Variants in TLK1 observed in about 807,000 individuals in gnomAD.
TLK1 encodes tousled like kinase 1, also known as serine/threonine-protein kinase tousled-like 1.
A neutral mutation model predicts 105.3 loss-of-function variants in TLK1; 24 were observed. The observed-to-expected ratio is 0.23, with a 90% CI of 0.17 to 0.32. TLK1 has a LOEUF of 0.32. TLK1 is among the 10% of genes least tolerant of loss of function. The probability of loss-of-function intolerance (pLI) is 1.00; values close to 1 mark genes in which losing one functional copy is unlikely to be tolerated. For missense variants in TLK1, 558 were observed against 910.5 expected (o/e 0.61, Z 4.98); for synonymous variants, 321 against 310.4 (o/e 1.03, Z -0.36).
intron 3 of TLK1, among the ~76,000 whole-genome samples, chr2:171,070,559 A>G (rs1329588288): frequency 6.6e-6 from 1 of 152,162 alleles, no homozygotes; most frequent in Admixed American, 6.5e-5. Flanking sequence ...TATTTCACTC[A>G]ACAATATGAC....
intron 20 of TLK1, chr2:170,994,855 G>T (rs922297931): frequency 8.3e-6 from 3 of 361,272 alleles, no homozygotes; most frequent in Admixed American, 3.2e-5. Context: ...TCCTTTTTTG[G>T]GGGGGGAGGG....
At chr2:171,017,094 A>AG (rs945701565) in intron 12 of TLK1, among the ~76,000 whole-genome samples, 57 of 152,200 alleles carry the variant, frequency 3.7e-4, no homozygotes, top group Non-Finnish European at 1.0e-4. Flanking sequence ...TCATAAAAAC[A>AG]GGAAGTAAAT....
At chr2:171,186,116 A>C (rs1693020632) in intron 1 of TLK1, among the ~76,000 whole-genome samples, 1 of 152,254 alleles carries the variant, frequency 6.6e-6, no homozygotes, top group Non-Finnish European at 1.5e-5. Flanking sequence ...ACAAATTCAA[A>C]AGAATATGAC....
chr2:171,159,109 A>G lies in TLK1; in HGVS notation c.139+1181T>C, dbSNP rs566053427. On this transcript the variant is annotated intron_variant, in intron 1 of 20. Coordinates refer to ENST00000431350, the MANE Select transcript of TLK1 (RefSeq NM_012290.5). The stretch of plus-strand genomic sequence containing the variant: ...CTCTGACTAGCAAATATCGACAGAT[A>G]TTTTCAAAATAAAGTACTCGCACCG... Among the ~76,000 whole-genome samples, 6 of 152,348 alleles carry G rather than the reference A, an allele frequency of 3.9e-5. No individual in the cohort carries two copies. In the East Asian group the frequency reaches 1.2e-3, roughly 29 times the overall value.
chr2:170,998,103 T>TACC (rs1355809188), intron 18 of TLK1, among the ~76,000 whole-genome samples: 49 of 145,218 alleles, frequency 3.4e-4, no homozygotes, highest in African/African-American at 1.2e-3. Context: ...CCTACCTACC[T>TACC]ACCTACCACC....
intron 2 of TLK1, among the ~76,000 whole-genome samples, chr2:171,117,272 A>G (rs1256693380): frequency 6.6e-6 from 1 of 152,176 alleles, no homozygotes; most frequent in African/African-American, 2.4e-5. Context: ...CTGCTGAATC[A>G]AACAGGTGGA....
intron 5 of TLK1, 137 bp downstream of exon 5, chr2:171,058,014 G>T: frequency 1.4e-6 from 1 of 724,528 alleles, no homozygotes; most frequent in Non-Finnish European, 2.2e-6. Flanking sequence ...TTCCTAGAAA[G>T]ATATCACATA....
intron 1 of TLK1, among the ~76,000 whole-genome samples, chr2:171,211,327 A>G (rs772214089): frequency 2.0e-5 from 3 of 152,194 alleles, no homozygotes; most frequent in African/African-American, 4.8e-5. Context: ...TTTCACCACG[A>G]ATTATATCAA....
At chr2:171,040,730 CCAT>C (rs937761619) in intron 11 of TLK1, among the ~76,000 whole-genome samples, 5 of 151,934 alleles carry the variant, frequency 3.3e-5, no homozygotes, top group African/African-American at 4.8e-5. Flanking sequence ...GTACATACCA[CCAT>C]GTCTGGCTAA....
intron 1 of TLK1, among the ~76,000 whole-genome samples, chr2:171,188,719 A>AAAG (rs1693084272): frequency 6.6e-6 from 1 of 151,238 alleles, no homozygotes; most frequent in African/African-American, 2.4e-5. Context: ...AAAAAAAAAA[A>AAAG]AAAAAAGAAA....
At position 171,160,219 on chromosome 2, in the gene TLK1, G is replaced by GGGGGGCA. The variant is rs1558975091; in HGVS notation, c.139+70_139+71insTGCCCCC. ...GAGAAGCCCCGGGGCGGGGGGGGCG[G>GGGGGGCA]GGGGGGGGCGCGGGGGTCCGCGGCG... On this transcript the variant is annotated intron_variant, in intron 1 of 20. Coordinates refer to ENST00000431350, the MANE Select transcript of TLK1 (RefSeq NM_012290.5). This position sits in a 1 kb window ranked among gnomAD's most constrained non-coding sequence, Gnocchi z 4.4. 1.6e-6 allele frequency: 2 copies of GGGGGGCA among 1,257,422 alleles called. No homozygotes were observed. The highest frequency in any genetic ancestry group is 6.5e-5 in the East Asian group (2 of 30,906). 77.9% of individuals were successfully genotyped at this position (1,257,422 alleles called of 1,614,324 possible). A position where few individuals can be genotyped will look rare whatever the true frequency, so the allele number is the denominator to read the frequency against.
intron 12 of TLK1, among the ~76,000 whole-genome samples, chr2:171,023,553 C>CA (rs1312456478): frequency 6.6e-6 from 1 of 151,862 alleles, no homozygotes; most frequent in Non-Finnish European, 1.5e-5. Context: ...ATCAAGAAGA[C>CA]AAAAAAATCT....
At chr2:171,091,221 C>T (rs966689185) in intron 2 of TLK1, among the ~76,000 whole-genome samples, 1 of 152,130 alleles carries the variant, frequency 6.6e-6, no homozygotes, top group South Asian at 2.1e-4. Context: ...AAAAGTTTGC[C>T]GACCTCTGCT....
At chr2:171,015,540 T>C (rs1685139132) in intron 12 of TLK1, among the ~76,000 whole-genome samples, 1 of 151,068 alleles carries the variant, frequency 6.6e-6, no homozygotes, top group Admixed American at 6.6e-5. Flanking sequence ...CTCTAAGGTA[T>C]CAGAGCAGAT....
intron 1 of TLK1, among the ~76,000 whole-genome samples, chr2:171,128,072 A>C (rs1353669091): frequency 6.6e-6 from 1 of 152,118 alleles, no homozygotes; most frequent in Admixed American, 6.5e-5. Context: ...TGCTTCACCT[A>C]ATCTTTTTAA....
At chr2:171,227,568 C>CTTTTTTTTTTTTTTTTTTTTTT (rs71401413) in intron 1 of TLK1, among the ~76,000 whole-genome samples, 10 of 55,518 alleles carry the variant, frequency 1.8e-4, no homozygotes, top group East Asian at 4.4e-4. Context: ...AGTAAATCTC[C>CTTTTTTTTTTTTTTTTTTTTTT]TTTTTTTTTT....
chr2:171,172,126 C>T (rs1692741729), intron 1 of TLK1, among the ~76,000 whole-genome samples: 1 of 152,086 alleles, frequency 6.6e-6, no homozygotes, highest in African/African-American at 2.4e-5. Context: ...TGTAGATGAA[C>T]TGTACAAAAA....
At chr2:171,015,087 T>A (rs1038352749) in intron 12 of TLK1, 139 bp from the exon 13 acceptor site, 1 of 655,596 alleles carries the variant, frequency 1.5e-6, no homozygotes, top group East Asian at 2.7e-5. Context: ...AAGACCAAAG[T>A]GCTCTTTTCA....
At chr2:171,126,696 CTTAGTT>C (rs768975633) in intron 1 of TLK1, among the ~76,000 whole-genome samples, 2 of 151,916 alleles carry the variant, frequency 1.3e-5, no homozygotes, top group Non-Finnish European at 2.9e-5. Flanking sequence ...GAGCCATGAC[CTTAGTT>C]TTAAATTTAA....
Sources: allele counts gnomAD v4.1 joint callset (sites outside exome capture counted in the v4.1 genomes callset), GRCh38; gene constraint gnomAD v4.1.1; non-coding constraint Gnocchi (gnomAD v3.1); transcripts MANE v1.5; gene names NCBI Gene and HGNC (gene_info 2026-07-23, HGNC 2026-07-21).